The following CCDC47 variants were observed in gnomAD, a reference collection of about 807,000 sequenced individuals.
CCDC47 encodes coiled-coil domain containing 47.
In CCDC47, 41 loss-of-function variants were observed where a neutral mutation model predicts 60.5. The observed-to-expected ratio is 0.68, with a 90% CI of 0.53 to 0.88. CCDC47 has a LOEUF of 0.88. CCDC47 is among the 40% of genes least tolerant of loss of function. The pLI is 0.00. For synonymous variants in CCDC47, 195 were observed against 190.7 expected (o/e 1.02, Z -0.18); for missense variants, 513 against 580.9 (o/e 0.88, Z 1.20).
At chr17:63,748,533 G>A (rs2039137754) in intron 12 of CCDC47, among the ~76,000 whole-genome samples, 2 of 152,066 alleles carry the variant, frequency 1.3e-5, no homozygotes, top group Non-Finnish European at 1.5e-5. Context: ...CGATCCCAAT[G>A]TCCTCTTCCC....
At chr17:63,748,280 T>C (rs1428781879) in intron 12 of CCDC47, among the ~76,000 whole-genome samples, 1 of 151,930 alleles carries the variant, frequency 6.6e-6, no homozygotes, top group Non-Finnish European at 1.5e-5. Flanking sequence ...GCCCAGCTAA[T>C]TTTTGTATTC....
chr17:63,760,062 CAA>C (rs10643408), intron 6 of CCDC47, among the ~76,000 whole-genome samples: 2 of 98,452 alleles, frequency 2.0e-5, no homozygotes, highest in Non-Finnish European at 3.9e-5. Flanking sequence ...GACTCCGTCT[CAA>C]AAAAAAAAAA....
rs748753699 is a variant in CCDC47 at position 63,761,331 on chromosome 17, CTTT to C, written c.565_567del (p.Lys189del). ...TTCAACTTTCCTGTGCTTGTGGCTT[CTTT>C]GTTAGTTCCATCATCCCCTAGGGGT... is the stretch of plus-strand genomic sequence containing the variant. On this transcript the variant is annotated inframe_deletion, in exon 5 of 13. Transcript: ENST00000225726. 1.2e-5 allele frequency: 19 copies of C among 1,613,408 alleles called. No individual in the cohort carries two copies. Among genetic ancestry groups the C allele is most frequent in the Admixed American group, 1.2e-4 (7 of 59,972 alleles).
In CCDC47 at chr17:63,752,387, A is replaced by G; in HGVS notation, c.1136T>C (p.Leu379Pro). The G allele has an allele frequency of 1.2e-6, 2 of 1,614,058 alleles. No homozygotes were observed. The highest frequency in any genetic ancestry group is 1.7e-6 in the Non-Finnish European group (2 of 1,179,948). ...GNTYPKDMEA[L>P]LPLMNMVIYS... The stretch of plus-strand genomic sequence containing the variant: ...AATCACCATGTTCATCAGGGGTAGC[A>G]GTGCCTCCATATCCTTTGGGTAAGT... Residue 379 changes from leucine to proline, a missense_variant, in exon 11 of 13, where the codon CTG becomes CCG. Leu to Pro is a moderately conservative substitution (Grantham distance 98). Transcript: ENST00000225726.
At chr17:63,769,878 G>A (rs2039324281) in intron 1 of CCDC47, among the ~76,000 whole-genome samples, 1 of 151,966 alleles carries the variant, frequency 6.6e-6, no homozygotes, top group African/African-American at 2.4e-5. Flanking sequence ...GGACAAGCTT[G>A]GTTTAGAAAA....
chr17:63,758,160 CA>C (rs1462498072), intron 6 of CCDC47, among the ~76,000 whole-genome samples: 1 of 152,112 alleles, frequency 6.6e-6, no homozygotes, highest in Non-Finnish European at 1.5e-5. Context: ...TATAATAAAC[CA>C]GTAAATATAA....
intron 1 of CCDC47, among the ~76,000 whole-genome samples, chr17:63,767,298 T>C (rs1011163688): frequency 1.6e-4 from 24 of 152,222 alleles, no homozygotes; most frequent in African/African-American, 5.3e-4. Context: ...ATGATGGAAT[T>C]CAATGTATCA....
chr17:63,750,969 G>A (rs2039159047), intron 12 of CCDC47, among the ~76,000 whole-genome samples: 1 of 151,454 alleles, frequency 6.6e-6, no homozygotes, highest in Non-Finnish European at 1.5e-5. Flanking sequence ...CAATCTCCCA[G>A]GTTCAAGTAA....
intron 1 of CCDC47, 89 bp from the exon 2 acceptor site, chr17:63,766,283 T>G (rs1488375626): frequency 8.2e-6 from 10 of 1,224,544 alleles, no homozygotes; most frequent in Non-Finnish European, 1.1e-5. Context: ...AAACCTCTCC[T>G]GCTTTTCTCT....
At chr17:63,768,031 C>T (rs949598363) in intron 1 of CCDC47, among the ~76,000 whole-genome samples, 4 of 152,178 alleles carry the variant, frequency 2.6e-5, no homozygotes, top group African/African-American at 9.7e-5. Context: ...CGTCTTAATG[C>T]TCTCCCCACT....
chr17:63,748,431 A>G (rs529396045), intron 12 of CCDC47, among the ~76,000 whole-genome samples: 1 of 150,784 alleles, frequency 6.6e-6, no homozygotes, highest in Non-Finnish European at 1.5e-5. Flanking sequence ...GTTTCTTTTC[A>G]ATTTTTTTTT....
At chr17:63,753,335 A>C in intron 9 of CCDC47, 20 of 390,254 alleles carry the variant, frequency 5.1e-5, no homozygotes, top group Non-Finnish European at 6.6e-5. Context: ...CCTCCATCTC[A>C]TATTTAAAAG....
Position 63,766,168 on chromosome 17 carries a change from G to A in CCDC47, c.8C>T (p.Ala3Val), listed in dbSNP as rs770893983. The A allele has an allele frequency of 6.2e-7, 1 of 1,607,462 alleles. No homozygotes were observed. Among genetic ancestry groups the A allele is most frequent in the Non-Finnish European group, 8.5e-7 (1 of 1,177,694 alleles). ...AAGGACAACACAGAAAGTGTGGAAG[G>A]CTTTCATTGCACCTTGAGAAAAAAA... The part of the protein sequence containing the change: MK[A>V]FHTFCVVLLV... Residue 3 changes from alanine (A) to valine (V), a missense_variant, in exon 2 of 13, where the codon GCC (alanine) becomes GTC (valine). Physicochemically the swap from Ala to Val is moderately conservative, Grantham distance 64. Transcript: ENST00000225726.
At chr17:63,752,880 T>A (rs1486197705) in intron 9 of CCDC47, 81 bp from the exon 10 acceptor site, 2 of 1,547,010 alleles carry the variant, frequency 1.3e-6, no homozygotes, top group East Asian at 2.4e-5. Flanking sequence ...TACACTTAGA[T>A]GAACAGATAC....
chr17:63,746,913 T>C lies in CCDC47; in HGVS notation c.1420A>G (p.Lys474Glu). The C allele has an allele frequency of 6.2e-7, 1 of 1,613,854 alleles. No individual in the cohort carries two copies. The highest frequency in any genetic ancestry group is 8.5e-7 in the Non-Finnish European group (1 of 1,179,838). ...EQKKLEKKQM[K>E]MKQIKVKAM ...GCTTTCACTTTGATTTGTTTCATTT[T>C]CATTTGCTTCTTTTCCAACTTCTTT... The change falls in exon 13 of 13, where the codon AAA (lysine) becomes GAA (glutamate). Residue 474 changes from lysine (K) to glutamate (E), a missense_variant. Transcript: ENST00000225726.
chr17:63,763,972 A>G, intron 4 of CCDC47, 44 bp downstream of exon 4: 1 of 1,516,310 alleles, frequency 6.6e-7, no homozygotes, highest in Non-Finnish European at 8.8e-7. Context: ...TCCTTACCAG[A>G]TTGTTTTCAA....
At chr17:63,766,797 T>C (rs2039301243) in intron 1 of CCDC47, 2 of 970,382 alleles carry the variant, frequency 2.1e-6, no homozygotes, top group African/African-American at 3.5e-5. Context: ...AATAAGCATT[T>C]TTTGAGGGCC....
chr17:63,759,558 TATATATATATATATATATAA>T (rs1387113418), intron 6 of CCDC47, among the ~76,000 whole-genome samples: 5 of 44,360 alleles, frequency 1.1e-4, no homozygotes, highest in Non-Finnish European at 2.0e-4. Flanking sequence ...TATATATATA[TATATATATATATATATATAA>T]AACAATGATT....
At chr17:63,755,938 A>T (rs571164810) in intron 8 of CCDC47, among the ~76,000 whole-genome samples, 2 of 152,068 alleles carry the variant, frequency 1.3e-5, no homozygotes, top group Admixed American at 6.6e-5. Flanking sequence ...AAAAAAAAAA[A>T]AAAGACTAAA....
Sources: allele counts gnomAD v4.1 joint callset (sites outside exome capture counted in the v4.1 genomes callset), GRCh38; gene constraint gnomAD v4.1.1; transcripts MANE v1.5; gene names NCBI Gene and HGNC (gene_info 2026-07-23, HGNC 2026-07-21).